Variants in USP47 observed in about 807,000 individuals in gnomAD.
USP47 encodes the protein ubiquitin specific peptidase 47.
Under a neutral mutation model 165.1 loss-of-function variants are expected in USP47, and 35 were observed. The observed-to-expected ratio is 0.21, with a 90% CI of 0.16 to 0.28. The LOEUF (loss-of-function observed/expected upper bound fraction) is 0.28. Among genes scored for constraint, USP47 ranks in the 10% least tolerant of loss-of-function variants. USP47 has a pLI of 1.00. For synonymous variants in USP47, 531 were observed against 544.5 expected, an observed-to-expected ratio of 0.98 and a Z score of 0.35; for missense variants, 1,277 against 1,607.4, an observed-to-expected ratio of 0.79 and a Z score of 3.52.
At chr11:11,917,880 A>G (rs1179469905) in intron 8 of USP47, among the ~76,000 whole-genome samples, 1 of 152,176 alleles carries the variant, frequency 6.6e-6, no homozygotes, top group Non-Finnish European at 1.5e-5. Context: ...TATTAAAAAG[A>G]TTTTCAAGTT....
In USP47 at chr11:11,868,796, A is replaced by AT. The variant is rs1057490632; in HGVS notation, c.40-11371dup. Among the ~76,000 whole-genome samples the AT allele has an allele frequency of 7.3e-4, 107 of 146,838 alleles. No individual in the cohort carries two copies. In the Middle Eastern group the frequency reaches 0.011, roughly 15 times the overall value. On this transcript the variant is annotated intron_variant, in intron 1 of 27. Coordinates refer to ENST00000527733, the MANE Select transcript of USP47 (RefSeq NM_001282659.2). ...TACTTTGCCAGTATTTGATGTTGCT[A>AT]TTTTTTTTTTATTTTAACCATTCTG...
At chr11:11,858,606 G>A (rs371439476) in intron 1 of USP47, among the ~76,000 whole-genome samples, 2 of 152,094 alleles carry the variant, frequency 1.3e-5, no homozygotes, top group Non-Finnish European at 2.9e-5. Flanking sequence ...GGCAACCACT[G>A]ATCTGTTTTC....
intron 1 of USP47, among the ~76,000 whole-genome samples, chr11:11,871,501 C>CAAAAAAAAAAAAAAAAAAAAAAAAAAAA (rs71037046): frequency 1.6e-5 from 1 of 63,098 alleles, no homozygotes; most frequent in Non-Finnish European, 3.4e-5. Context: ...AACTCCCTCT[C>CAAAAAAAAAAAAAAAAAAAAAAAAAAAA]AAAAAAAAAA....
intron 14 of USP47, 84 bp downstream of exon 14, chr11:11,930,835 T>C (rs1419899361): frequency 9.4e-7 from 1 of 1,069,392 alleles, no homozygotes; most frequent in East Asian, 2.5e-5. Context: ...ATAACTACTT[T>C]TAAATGATAG....
intron 1 of USP47, among the ~76,000 whole-genome samples, chr11:11,850,942 G>A (rs1370001432): frequency 1.3e-5 from 2 of 152,178 alleles, no homozygotes; most frequent in African/African-American, 2.4e-5. Context: ...TTTTACAAGG[G>A]CACTAATCTC....
At chr11:11,854,166 A>G (rs1848894004) in intron 1 of USP47, among the ~76,000 whole-genome samples, 1 of 145,196 alleles carries the variant, frequency 6.9e-6, no homozygotes, top group African/African-American at 2.5e-5. Flanking sequence ...CTATCCAACC[A>G]GCAAAGTCCA....
intron 1 of USP47, among the ~76,000 whole-genome samples, chr11:11,851,553 T>G (rs975429561): frequency 3.9e-5 from 6 of 152,310 alleles, no homozygotes; most frequent in African/African-American, 1.4e-4. Context: ...TCTTTTTATC[T>G]TAACATCTTA....
intron 5 of USP47, among the ~76,000 whole-genome samples, chr11:11,900,027 G>T (rs1478261665): frequency 1.3e-5 from 2 of 152,038 alleles, no homozygotes; most frequent in Non-Finnish European, 2.9e-5. Flanking sequence ...TAGTGTAAAA[G>T]GATAGACTAG....
At chr11:11,954,427 G>A (rs891381706) in intron 25 of USP47, among the ~76,000 whole-genome samples, 1 of 151,946 alleles carries the variant, frequency 6.6e-6, no homozygotes, top group Non-Finnish European at 1.5e-5. Context: ...ATGCCACCAC[G>A]CCCGGCTAAT....
Position 11,905,441 on chromosome 11 carries a change from T to A in USP47, c.862T>A (p.Tyr288Asn), listed in dbSNP as rs1471548177. The A allele has an allele frequency of 1.2e-6, 2 of 1,606,576 alleles. No individual in the cohort carries two copies. Among genetic ancestry groups the A allele is most frequent in the Non-Finnish European group, 1.7e-6 (2 of 1,174,910 alleles). ...GCTATATCAAGGCAAGCTGAAGGACTACGTGAGATGTCTGGAATGTGGTTA... is the reference window on the plus strand; with the variant it reads ...GCTATATCAAGGCAAGCTGAAGGACAACGTGAGATGTCTGGAATGTGGTTA... ...NELYQGKLKD[Y>N]VRCLECGYEG... The change falls in exon 8 of 28, where the codon TAC (tyrosine) becomes AAC (asparagine). Residue 288 changes from tyrosine (Y) to asparagine (N), a missense_variant. Tyr to Asn is a moderately radical substitution (Grantham distance 143). Transcript: ENST00000527733.
intron 1 of USP47, among the ~76,000 whole-genome samples, chr11:11,855,550 A>C (rs1400827280): frequency 6.6e-6 from 1 of 152,212 alleles, no homozygotes; most frequent in East Asian, 1.9e-4. Context: ...AATTCAGAAA[A>C]AGGTCTAGAA....
chr11:11,898,011 G>A (rs1851950498), intron 5 of USP47, among the ~76,000 whole-genome samples: 1 of 151,938 alleles, frequency 6.6e-6, no homozygotes, highest in African/African-American at 2.4e-5. Context: ...GAGAGAATTC[G>A]AATATATAAA....
At chr11:11,934,337 GAAAGA>G (rs1449229523) in intron 16 of USP47, among the ~76,000 whole-genome samples, 15 of 152,180 alleles carry the variant, frequency 9.9e-5, no homozygotes, top group African/African-American at 3.6e-4. Context: ...CAATCTACTG[GAAAGA>G]ACAGACAAAA....
Position 11,933,928 on chromosome 11 carries a change from C to T in USP47, c.1862C>T (p.Ala621Val), listed in dbSNP as rs1396827955. ...ACATTAAAGGAAGCAGTAGAAATGG[C>T]TTATAAGGTATGTTTAATTGCATCA... ...DKTLKEAVEM[A>V]YKMMDLEEVI... is the part of the protein sequence containing the mutation. The change falls in exon 16 of 28, where the codon GCT becomes GTT. Residue 621 changes from alanine (A) to valine (V), a missense_variant. Ala to Val is a moderately conservative substitution (Grantham distance 64). Transcript: ENST00000527733. 9.4e-6 allele frequency: 15 copies of T among 1,600,584 alleles called. No homozygotes were observed. The highest frequency in any genetic ancestry group is 1.2e-5 in the Non-Finnish European group (14 of 1,170,120).
chr11:11,933,709 A>G, intron 15 of USP47, 122 bp from the exon 16 acceptor site: 1 of 632,824 alleles, frequency 1.6e-6, no homozygotes, highest in Non-Finnish European at 2.7e-6. Context: ...TAGATAGAAG[A>G]GTGATCTCAA....
rs1464609550 is a variant in USP47 at position 11,958,943 on chromosome 11, A to G, written c.*2768A>G. 1 of 152,230 alleles carries G rather than the reference A, an allele frequency of 6.6e-6. No individual in the cohort carries two copies. Among genetic ancestry groups the G allele is most frequent in the African/African-American group, 2.4e-5 (1 of 41,456 alleles). 9.4% of individuals were successfully genotyped at this position (152,230 alleles called of 1,614,324 possible). A position where few individuals can be genotyped will look rare whatever the true frequency, so the allele number is the denominator to read the frequency against. On this transcript the variant is annotated 3_prime_UTR_variant, in exon 28 of 28. Coordinates refer to ENST00000527733, the MANE Select transcript of USP47 (RefSeq NM_001282659.2). ...GATGAACTCATGTCCCAGTCAGAAA[A>G]TAATCCAATGAAATAAGCATTGGTT...
chr11:11,893,639 C>G (rs1851680432), intron 4 of USP47, among the ~76,000 whole-genome samples: 1 of 151,920 alleles, frequency 6.6e-6, no homozygotes, highest in African/African-American at 2.4e-5. Flanking sequence ...ACTATGTTGC[C>G]CAGGCTAGTC....
Position 11,936,226 on chromosome 11 carries a change from C to T in USP47, c.1870-77C>T, listed in dbSNP as rs1855054213. 5.4e-6 allele frequency: 4 copies of T among 743,586 alleles called. No homozygotes were observed. The Admixed American group carries it at 1.9e-4, about 35-fold the overall frequency. The allele number at this position is 743,586 out of a possible 1,614,324, so 46.1% of individuals were successfully genotyped here. A position where few individuals can be genotyped will look rare whatever the true frequency, so the allele number is the denominator to read the frequency against. On this transcript the variant is annotated intron_variant, in intron 16 of 27. Transcript: ENST00000527733. ...TGTTATTCCCCAACAGACTAAAACA[C>T]TGTGTATTTATATATGTATATATAT... is the stretch of plus-strand genomic sequence containing the variant.
chr11:11,902,917 A>C, intron 6 of USP47, 57 bp downstream of exon 6: 1 of 1,456,326 alleles, frequency 6.9e-7, no homozygotes, highest in Non-Finnish European at 9.1e-7. Context: ...TCTAGAAGAC[A>C]ATAATATTAC....
Sources: gnomAD v4.1 joint callset for allele counts (sites outside exome capture counted in the v4.1 genomes callset) on GRCh38, gnomAD v4.1.1 for gene constraint, MANE v1.5 for transcripts, NCBI Gene and HGNC (gene_info 2026-07-23, HGNC 2026-07-21) for gene names.